The following TPRX2 variants were observed in gnomAD, a reference collection of about 807,000 sequenced individuals.
TPRX2 encodes the protein tetrapeptide repeat homeobox 2.
the TPRX2 span, among the ~76,000 whole-genome samples, chr19:47,860,567 C>A: frequency 6.6e-6 from 1 of 151,754 alleles, no homozygotes; most frequent in African/African-American, 2.4e-5. Flanking sequence ...CCTGGCCCCC[C>A]GGGCACCTGG....
the TPRX2 span, among the ~76,000 whole-genome samples, chr19:47,860,602 C>T: frequency 2.6e-5 from 4 of 151,556 alleles, no homozygotes; most frequent in South Asian, 8.3e-4. Flanking sequence ...TCCTCCCCTC[C>T]CACCCCACCC....
At chr19:47,861,600 C>G in the TPRX2 span, 2 of 722,494 alleles carry the variant, frequency 2.8e-6, no homozygotes, top group Admixed American at 4.9e-5. Flanking sequence ...GTGAATGCAT[C>G]ACCCTTTACC....
the TPRX2 span, chr19:47,861,121 CT>C: frequency 2.8e-6 from 2 of 702,760 alleles, no homozygotes; most frequent in South Asian, 3.0e-5. Flanking sequence ...ATCCCAGCCC[CT>C]ATCCCAGGCC....
chr19:47,860,489 C>T, the TPRX2 span, among the ~76,000 whole-genome samples: 1 of 151,648 alleles, frequency 6.6e-6, no homozygotes, highest in Non-Finnish European at 1.5e-5. Flanking sequence ...GGCTGTCCCC[C>T]ACGGGGTCTC....
At chr19:47,859,951 G>A in the TPRX2 span, among the ~76,000 whole-genome samples, 4 of 151,278 alleles carry the variant, frequency 2.6e-5, no homozygotes, top group Non-Finnish European at 5.9e-5. Flanking sequence ...GGACCCTGAG[G>A]CCCAGAGAGG....
At chr19:47,860,698 G>A in the TPRX2 span, 10 of 1,349,938 alleles carry the variant, frequency 7.4e-6, no homozygotes, top group African/African-American at 1.2e-4. Context: ...CGGGGTGGGG[G>A]TGAACACCGG....
the TPRX2 span, chr19:47,861,426 C>T: frequency 1.5e-6 from 1 of 654,740 alleles, no homozygotes; most frequent in African/African-American, 1.8e-5. Context: ...GGAATCCTCA[C>T]TCTCCACCAC....
At chr19:47,860,541 C>T in the TPRX2 span, among the ~76,000 whole-genome samples, 14 of 151,814 alleles carry the variant, frequency 9.2e-5, no homozygotes, top group Admixed American at 9.2e-4. Flanking sequence ...CCCGCGGTCC[C>T]TCCCCTGGAA....
chr19:47,859,782 T>G, the TPRX2 span, among the ~76,000 whole-genome samples: 114,010 of 133,824 alleles, frequency 0.85, 48,223 homozygotes, highest in African/African-American at 0.94. Context: ...AGGTGGCGGC[T>G]CCCCTGCAAG....
chr19:47,860,826 A>G, the TPRX2 span: 3 of 1,537,438 alleles, frequency 2.0e-6, no homozygotes, highest in Admixed American at 2.0e-5. Context: ...TCGCCGCGCC[A>G]AACTAGCTCG....
the TPRX2 span, chr19:47,861,459 G>A: frequency 1.1e-6 from 1 of 923,448 alleles, no homozygotes; most frequent in Non-Finnish European, 1.6e-6. Flanking sequence ...CAAAGAGGAG[G>A]ATGGCTTCGT....
At chr19:47,860,130 G>A in the TPRX2 span, 1 of 1,403,972 alleles carries the variant, frequency 7.1e-7, no homozygotes, top group Admixed American at 2.0e-5. Context: ...CCTGGCCCTG[G>A]ACCCTCCAAG....
the TPRX2 span, among the ~76,000 whole-genome samples, chr19:47,859,370 G>T: frequency 1.3e-5 from 2 of 150,388 alleles, no homozygotes; most frequent in Non-Finnish European, 2.9e-5. Flanking sequence ...GCCTGTGCGG[G>T]CGGCTTCCTG....
chr19:47,860,772 C>T, the TPRX2 span: 1 of 1,528,874 alleles, frequency 6.5e-7, no homozygotes, highest in Non-Finnish European at 8.7e-7. Flanking sequence ...CCCTCCTTCA[C>T]ACCTTCTCCC....
chr19:47,861,398 G>A, the TPRX2 span: 9 of 527,760 alleles, frequency 1.7e-5, no homozygotes, highest in East Asian at 1.3e-4. Context: ...AGCTGCTCCC[G>A]CTCCTAGACC....
chr19:47,860,889 G>A, the TPRX2 span: 2 of 1,532,618 alleles, frequency 1.3e-6, no homozygotes, highest in East Asian at 2.4e-5. Context: ...GAGAGGCCGA[G>A]GAGCCCGCGC....
chr19:47,861,106 GCCCAATCCCAGC>G, the TPRX2 span: 447 of 708,272 alleles, frequency 6.3e-4, 1 homozygote, highest in African/African-American at 6.6e-3. Context: ...CCAGGCCCTG[GCCCAATCCCAGC>G]CCCTATCCCA....
chr19:47,860,049 G>C, the TPRX2 span: 5 of 1,408,746 alleles, frequency 3.5e-6, no homozygotes, highest in African/African-American at 7.3e-5. Context: ...GCAGGGGACG[G>C]GGTCCCTAGG....
At chr19:47,860,369 A>C in the TPRX2 span, 1 of 584,224 alleles carries the variant, frequency 1.7e-6, no homozygotes. Flanking sequence ...GGCCCGCCCG[A>C]CCACCTCCCG....
Sources: gnomAD v4.1 joint callset for allele counts (sites outside exome capture counted in the v4.1 genomes callset) on GRCh38, gnomAD v4.1.1 for gene constraint, MANE v1.5 for transcripts, NCBI Gene and HGNC (gene_info 2026-07-23, HGNC 2026-07-21) for gene names.